Variants in SYT9 observed in about 807,000 individuals in gnomAD.
The protein encoded by SYT9 is synaptotagmin 9.
In SYT9, 22 loss-of-function variants were observed where a neutral mutation model predicts 48.4. That is an observed-to-expected ratio of 0.45 (90% confidence interval 0.32 to 0.65). SYT9 has a LOEUF of 0.65. Among genes scored for constraint, SYT9 ranks in the 30% least tolerant of loss-of-function variants. SYT9 has a pLI of 0.03. For synonymous variants in SYT9, 265 were observed against 245.0 expected, an observed-to-expected ratio of 1.08 and a Z score of -0.76; for missense variants, 577 against 622.0, an observed-to-expected ratio of 0.93 and a Z score of 0.77.
chr11:7,261,547 A>T (rs1183744046), intron 1 of SYT9, among the ~76,000 whole-genome samples: 1 of 152,158 alleles, frequency 6.6e-6, no homozygotes, highest in African/African-American at 2.4e-5. Context: ...GATAATAGGT[A>T]CATAAATTAT....
At chr11:7,413,515 G>A (rs559222156) in intron 3 of SYT9, among the ~76,000 whole-genome samples, 39 of 152,262 alleles carry the variant, frequency 2.6e-4, no homozygotes, top group African/African-American at 9.1e-4. Flanking sequence ...TGGTGGGAAT[G>A]TGGACCCTGG....
chr11:7,315,535 T>C (rs1214093076), intron 3 of SYT9, among the ~76,000 whole-genome samples: 1 of 152,180 alleles, frequency 6.6e-6, no homozygotes, highest in Non-Finnish European at 1.5e-5. Flanking sequence ...CATCAATTTA[T>C]ACTTTTTGAC....
At chr11:7,452,230 G>C (rs78973467) in intron 6 of SYT9, among the ~76,000 whole-genome samples, 16,106 of 151,982 alleles carry the variant, frequency 0.11, 1,006 homozygotes, top group Non-Finnish European at 0.13. Context: ...TAATTAACAT[G>C]TAGAAAATCT....
chr11:7,415,207 T>C (rs1847218378), intron 3 of SYT9, among the ~76,000 whole-genome samples: 1 of 152,198 alleles, frequency 6.6e-6, no homozygotes, highest in African/African-American at 2.4e-5. Flanking sequence ...TGGGTCTCTG[T>C]TCTCTCCCTG....
intron 3 of SYT9, among the ~76,000 whole-genome samples, chr11:7,400,046 C>T (rs1010060519): frequency 4.6e-5 from 7 of 152,190 alleles, no homozygotes; most frequent in Admixed American, 4.6e-4. Flanking sequence ...CACGTACTTA[C>T]CCCAAATGTG....
chr11:7,393,753 A>G (rs1478083096), intron 3 of SYT9, among the ~76,000 whole-genome samples: 3 of 151,512 alleles, frequency 2.0e-5, no homozygotes, highest in Admixed American at 2.0e-4. Context: ...TTTTTTTATT[A>G]CTGATTCAAT....
At chr11:7,318,496 T>C (rs1354557510) in intron 3 of SYT9, among the ~76,000 whole-genome samples, 1 of 152,162 alleles carries the variant, frequency 6.6e-6, no homozygotes, top group African/African-American at 2.4e-5. Context: ...GTATTTTTAG[T>C]GGAGACGGGG....
intron 1 of SYT9, among the ~76,000 whole-genome samples, chr11:7,279,274 C>T (rs1848450429): frequency 6.6e-6 from 1 of 152,158 alleles, no homozygotes; most frequent in African/African-American, 2.4e-5. Flanking sequence ...TGGTAAACTT[C>T]CATGCTTCTC....
At chr11:7,443,803 C>A (rs1016458797) in intron 6 of SYT9, among the ~76,000 whole-genome samples, 2 of 152,186 alleles carry the variant, frequency 1.3e-5, no homozygotes, top group Admixed American at 6.5e-5. Flanking sequence ...TAGTACCTGG[C>A]ACATAGGAGG....
intron 3 of SYT9, among the ~76,000 whole-genome samples, chr11:7,352,420 A>G (rs966905200): frequency 1.3e-5 from 2 of 152,196 alleles, no homozygotes; most frequent in Non-Finnish European, 2.9e-5. Flanking sequence ...TGCAGCAGAT[A>G]TTCAATACTG....
chr11:7,405,839 GATTT>G (rs1251594197), intron 3 of SYT9, among the ~76,000 whole-genome samples: 2 of 152,088 alleles, frequency 1.3e-5, no homozygotes, highest in Admixed American at 6.6e-5. Flanking sequence ...AACTTTAAAG[GATTT>G]ATTTTACAAG....
At chr11:7,375,706 G>C (rs375213008) in intron 3 of SYT9, among the ~76,000 whole-genome samples, 6 of 152,176 alleles carry the variant, frequency 3.9e-5, no homozygotes, top group African/African-American at 1.4e-4. Flanking sequence ...CTCATGATTT[G>C]GCTCTGTTTG....
chr11:7,345,115 T>C (rs1407954211), intron 3 of SYT9, among the ~76,000 whole-genome samples: 1 of 152,196 alleles, frequency 6.6e-6, no homozygotes, highest in African/African-American at 2.4e-5. Context: ...CAATATTTTC[T>C]AAGACAGGTC....
intron 6 of SYT9, among the ~76,000 whole-genome samples, chr11:7,433,715 A>T (rs1487257084): frequency 6.6e-6 from 1 of 152,254 alleles, no homozygotes; most frequent in Non-Finnish European, 1.5e-5. Context: ...ACGAGGACAC[A>T]GAATGATGGC....
intron 3 of SYT9, among the ~76,000 whole-genome samples, chr11:7,401,713 G>A (rs1218967867): frequency 1.3e-5 from 2 of 151,142 alleles, no homozygotes; most frequent in Non-Finnish European, 3.0e-5. Context: ...AATGTCTATG[G>A]TATCTATACA....
At chr11:7,433,294 A>G (rs1304636569) in intron 6 of SYT9, among the ~76,000 whole-genome samples, 1 of 152,210 alleles carries the variant, frequency 6.6e-6, no homozygotes. Context: ...TTTATAAATT[A>G]TCCAGTCTTG....
At chr11:7,442,778 G>GCTGCCCTC (rs1847851207) in intron 6 of SYT9, among the ~76,000 whole-genome samples, 1 of 152,096 alleles carries the variant, frequency 6.6e-6, no homozygotes, top group Non-Finnish European at 1.5e-5. Context: ...GCTGCCCTTT[G>GCTGCCCTC]CTGCCCTCCC....
At chr11:7,392,471 G>T (rs1846644838) in intron 3 of SYT9, among the ~76,000 whole-genome samples, 1 of 152,024 alleles carries the variant, frequency 6.6e-6, no homozygotes, top group South Asian at 2.1e-4. Flanking sequence ...TATGTCTATT[G>T]TTCTACCAGT....
chr11:7,448,309 C>T (rs770402203), intron 6 of SYT9, among the ~76,000 whole-genome samples: 2 of 152,192 alleles, frequency 1.3e-5, no homozygotes, highest in Non-Finnish European at 2.9e-5. Context: ...AGTGAGAGGG[C>T]GCCACACTCA....
Sources: gnomAD v4.1 joint callset for allele counts (sites outside exome capture counted in the v4.1 genomes callset) on GRCh38, gnomAD v4.1.1 for gene constraint, MANE v1.5 for transcripts, NCBI Gene and HGNC (gene_info 2026-07-23, HGNC 2026-07-21) for gene names.